The following SLC25A40 variants were observed in gnomAD, a reference collection of about 807,000 sequenced individuals.
SLC25A40 encodes the protein solute carrier family 25 member 40.
A neutral mutation model predicts 46.5 loss-of-function variants in SLC25A40; 41 were observed. That is an observed-to-expected ratio of 0.88 (90% CI 0.69 to 1.14). SLC25A40 has a LOEUF of 1.14. Among genes scored for constraint, SLC25A40 ranks in the 50% most tolerant of loss-of-function variants. SLC25A40 has a pLI of 0.00. For synonymous variants in SLC25A40, 126 were observed against 127.5 expected (o/e 0.99, Z 0.08); for missense variants, 386 against 393.6 (o/e 0.98, Z 0.16).
intron 5 of SLC25A40, 113 bp downstream of exon 5, chr7:87,854,091 G>C (rs1027708308): frequency 1.3e-5 from 9 of 719,000 alleles, no homozygotes; most frequent in Non-Finnish European, 1.8e-5. Flanking sequence ...CAAAGAAGTA[G>C]TTCCCTGTTC....
chr7:87,873,615 T>G (rs1469139588), intron 1 of SLC25A40, among the ~76,000 whole-genome samples: 1 of 151,914 alleles, frequency 6.6e-6, no homozygotes, highest in Admixed American at 6.6e-5. Context: ...GTATTGTTAG[T>G]ACAGCCAGAG....
chr7:87,871,138 G>A (rs1011954351), intron 1 of SLC25A40, among the ~76,000 whole-genome samples: 1 of 152,316 alleles, frequency 6.6e-6, no homozygotes, highest in Admixed American at 6.5e-5. Flanking sequence ...TGTGAGGGGT[G>A]GAACAGCGAG....
At chr7:87,870,863 TCA>T (rs1838885777) in intron 1 of SLC25A40, among the ~76,000 whole-genome samples, 1 of 152,142 alleles carries the variant, frequency 6.6e-6, no homozygotes, top group Non-Finnish European at 1.5e-5. Flanking sequence ...TCGTGTGACC[TCA>T]TTCCTCCTGG....
At chr7:87,858,492 C>T in intron 3 of SLC25A40, 139 bp downstream of exon 3, 2 of 603,990 alleles carry the variant, frequency 3.3e-6, no homozygotes, top group South Asian at 2.1e-5. Context: ...AAATTCCTCT[C>T]TTTGTACTCT....
At chr7:87,867,968 G>A (rs188657929) in intron 1 of SLC25A40, among the ~76,000 whole-genome samples, 174 of 152,338 alleles carry the variant, frequency 1.1e-3, no homozygotes, top group Non-Finnish European at 2.2e-3. Context: ...ACATTGTGGT[G>A]TTGCTGAACA....
rs539584184 is a variant in SLC25A40 at position 87,835,548 on chromosome 7, C to A, written c.*701G>T. The A allele has an allele frequency of 6.6e-6, 1 of 151,694 alleles. No homozygotes were observed. The highest frequency in any genetic ancestry group is 2.1e-4 in the South Asian group (1 of 4,824). The allele number at this position is 151,694 out of a possible 1,614,324, so 9.4% of individuals were successfully genotyped here. On this transcript the variant is annotated 3_prime_UTR_variant, in exon 12 of 12. Coordinates refer to ENST00000341119, the MANE Select transcript of SLC25A40 (RefSeq NM_018843.4). ...AACATTTGCTACTATCAGTAAAAAACTCCCTCTCTTACAGGAATGGCAGAA... is the reference window on the plus strand; with the variant it reads ...AACATTTGCTACTATCAGTAAAAAAATCCCTCTCTTACAGGAATGGCAGAA...
intron 9 of SLC25A40, 31 bp from the exon 10 acceptor site, chr7:87,841,745 T>C (rs1838339295): frequency 1.5e-6 from 2 of 1,314,458 alleles, no homozygotes; most frequent in African/African-American, 3.0e-5. Context: ...TTAATTTCAA[T>C]CAACCTGTTA....
intron 10 of SLC25A40, among the ~76,000 whole-genome samples, chr7:87,838,868 T>C (rs1437503614): frequency 6.6e-6 from 1 of 151,676 alleles, no homozygotes; most frequent in Non-Finnish European, 1.5e-5. Context: ...GGTTGGTAAG[T>C]GTAGCTATAT....
intron 6 of SLC25A40, 81 bp from the exon 7 acceptor site, chr7:87,848,058 A>G (rs985146128): frequency 2.1e-6 from 3 of 1,452,630 alleles, no homozygotes; most frequent in Non-Finnish European, 2.7e-6. Flanking sequence ...ATATTATTAT[A>G]TAAGCTAAAA....
intron 1 of SLC25A40, among the ~76,000 whole-genome samples, chr7:87,872,468 C>T (rs867079781): frequency 4.6e-5 from 7 of 152,208 alleles, no homozygotes; most frequent in Middle Eastern, 3.4e-3. Flanking sequence ...AATAAATAAA[C>T]GTCCAGTCAG....
intron 1 of SLC25A40, among the ~76,000 whole-genome samples, chr7:87,874,527 T>TAAGG (rs2131028667): frequency 6.6e-6 from 1 of 152,292 alleles, no homozygotes; most frequent in East Asian, 1.9e-4. Context: ...AAATTACCCT[T>TAAGG]AAGGAAACCA....
At chr7:87,845,992 A>T (rs546109858) in intron 8 of SLC25A40, among the ~76,000 whole-genome samples, 14 of 152,304 alleles carry the variant, frequency 9.2e-5, no homozygotes, top group Non-Finnish European at 1.9e-4. Flanking sequence ...CCAATACTGG[A>T]TAAACTTTCA....
chr7:87,840,366 T>G (rs149924638), intron 10 of SLC25A40, among the ~76,000 whole-genome samples: 1 of 151,662 alleles, frequency 6.6e-6, no homozygotes, highest in South Asian at 2.1e-4. Context: ...TGTAGGTATA[T>G]TGAATAAGCA....
rs755234065 is a variant in SLC25A40, at chr7:87,843,851, T to A, written c.644A>T (p.Tyr215Phe). 15 of 1,593,288 alleles carry A rather than the reference T, an allele frequency of 9.4e-6. No individual in the cohort carries two copies. The highest frequency in any genetic ancestry group is 1.1e-5 in the Non-Finnish European group (13 of 1,163,906). ...CCACTTCTTTAAAATTTCATAGTTA[T>A]ACCAGTACATTGCTATAAAAACAGA... ...RDVPFSAMYW[Y>F]NYEILKKWLC... The change falls in exon 9 of 12, where the codon TAT becomes TTT. Residue 215 changes from tyrosine to phenylalanine, a missense_variant. By Grantham distance (22) the Tyr-to-Phe change is conservative (BLOSUM62 3). Coordinates refer to ENST00000341119, the MANE Select transcript of SLC25A40 (RefSeq NM_018843.4).
Position 87,835,432 on chromosome 7 carries a change from A to C in SLC25A40, c.*817T>G, listed in dbSNP as rs1280140122. The C allele has an allele frequency of 6.6e-6, 1 of 151,692 alleles. No homozygotes were observed. Among genetic ancestry groups the C allele is most frequent in the African/African-American group, 2.4e-5 (1 of 41,392 alleles). 9.4% of individuals were successfully genotyped at this position (151,692 alleles called of 1,614,324 possible). The stretch of plus-strand genomic sequence containing the variant: ...ATGATACTTGGATTACAAGAGAGCT[A>C]AAAATCAGAGGCTATTCCTGTGTGC... On this transcript the variant is annotated 3_prime_UTR_variant, in exon 12 of 12. Transcript: ENST00000341119.
Position 87,858,707 on chromosome 7 carries a change from TC to T in SLC25A40, c.20del (p.Gly7AspfsTer7), listed in dbSNP as rs1562747562. On this transcript the variant is annotated frameshift_variant, in exon 3 of 12. Coordinates refer to ENST00000341119, the MANE Select transcript of SLC25A40 (RefSeq NM_018843.4). LOFTEE classifies it high-confidence loss of function. Reference protein sequence around the residue: MDPETRGQEIIKVTPLQ... With the variant: MDPETRXQEIIKVTPLQ... ...GAGGTGTCACTTTGATAATCTCTTGTCCCCTTGTCTCAGGATCCATATTTTT... is the reference window on the plus strand; with the variant it reads ...GAGGTGTCACTTTGATAATCTCTTGTCCCTTGTCTCAGGATCCATATTTTT... The T allele has an allele frequency of 6.2e-7, 1 of 1,612,198 alleles. No homozygotes were observed. Among genetic ancestry groups the T allele is most frequent in the Admixed American group, 1.7e-5 (1 of 60,014 alleles).
intron 1 of SLC25A40, among the ~76,000 whole-genome samples, chr7:87,869,072 T>TA (rs1165354698): frequency 6.6e-5 from 10 of 152,332 alleles, no homozygotes; most frequent in East Asian, 1.9e-4. Flanking sequence ...ACCATCTGCT[T>TA]AGAGTTTTTT....
intron 6 of SLC25A40, among the ~76,000 whole-genome samples, chr7:87,848,977 G>A (rs532249385): frequency 6.6e-6 from 1 of 152,178 alleles, no homozygotes; most frequent in East Asian, 1.9e-4. Context: ...TAAAGTTCTT[G>A]GGAATAAATG....
intron 1 of SLC25A40, among the ~76,000 whole-genome samples, chr7:87,864,541 TAAA>T (rs1838759129): frequency 6.6e-6 from 1 of 152,258 alleles, no homozygotes. Flanking sequence ...ATCATCTTGC[TAAA>T]TTGACCCCTT....
Sources: allele counts gnomAD v4.1 joint callset (sites outside exome capture counted in the v4.1 genomes callset), GRCh38; gene constraint gnomAD v4.1.1; transcripts MANE v1.5; gene names NCBI Gene and HGNC (gene_info 2026-07-23, HGNC 2026-07-21).